The following ALS2 variants were observed in gnomAD, a reference collection of about 807,000 sequenced individuals.
ALS2 encodes the protein alsin Rho guanine nucleotide exchange factor ALS2, also known as alsin.
In ALS2, 117 loss-of-function variants were observed where a neutral mutation model predicts 203.4. The ratio of observed to expected loss-of-function variants is 0.58; its 90% CI spans 0.50 to 0.67. The LOEUF is 0.67. Among genes scored for constraint, ALS2 ranks in the 30% least tolerant of loss-of-function variants. ALS2 has a pLI of 0.00. For missense variants in ALS2, 1,715 were observed against 1,989.4 expected (o/e 0.86, Z 2.62); for synonymous variants, 718 against 725.9 (o/e 0.99, Z 0.17).
chr2:201,756,866 T>C (rs1693432581), intron 5 of ALS2, among the ~76,000 whole-genome samples: 1 of 151,758 alleles, frequency 6.6e-6, no homozygotes, highest in African/African-American at 2.4e-5. Context: ...CAGATGCTGC[T>C]GATGCTGCTG....
Position 201,700,767 on chromosome 2 carries a change from T to C in ALS2, c.*1084A>G, listed in dbSNP as rs1253117238. The C allele has an allele frequency of 6.6e-6, 1 of 152,654 alleles. No individual in the cohort carries two copies. The highest frequency in any genetic ancestry group is 2.4e-5 in the African/African-American group (1 of 41,452). The allele number at this position is 152,654 out of a possible 1,614,324, so 9.5% of individuals were successfully genotyped here. A position where few individuals can be genotyped will look rare whatever the true frequency, so the allele number is the denominator to read the frequency against. On this transcript the variant is annotated 3_prime_UTR_variant, in exon 34 of 34. Transcript: ENST00000264276. Reference sequence around the variant, plus strand: ...GAGATGAGATGAGGAAGAGCACCTATGTTATTCAAAACAGCTACTAGTGTT... The same window carrying C: ...GAGATGAGATGAGGAAGAGCACCTACGTTATTCAAAACAGCTACTAGTGTT...
At chr2:201,717,115 T>C (rs887277319) in intron 24 of ALS2, among the ~76,000 whole-genome samples, 24 of 152,120 alleles carry the variant, frequency 1.6e-4, no homozygotes, top group African/African-American at 5.6e-4. Flanking sequence ...GGGGTGTGTG[T>C]GTGTGTGTAT....
At position 201,757,741 on chromosome 2, in the gene ALS2, T is replaced by A. The variant is rs766304722; in HGVS notation, c.1132A>T (p.Ile378Phe). 1.2e-6 allele frequency: 2 copies of A among 1,610,844 alleles called. No individual in the cohort carries two copies. The highest frequency in any genetic ancestry group is 1.1e-5 in the South Asian group (1 of 91,070). Residue 378 changes from isoleucine to phenylalanine, a missense_variant, in exon 5 of 34, where the codon ATT becomes TTT. Ile to Phe is a conservative substitution (Grantham distance 21). Transcript: ENST00000264276. The part of the protein sequence containing the change: ...VPSQPLLEEA[I>F]PNLHSPPTTS... ...GTAGGCGGGCTGTGGAGATTAGGAA[T>A]TGCTTCTTCTAAAAGAGGCTAAAAT...
chr2:201,767,316 T>C lies in ALS2; in HGVS notation c.88A>G (p.Ile30Val), dbSNP rs199947290. ...VHIWQAGSFP[I>V]TPERLPGWGG... ...CAGCCTGGCAATCTCTCTGGTGTTA[T>C]GGGAAAGGATCCTGCCTGCCAGATA... The change falls in exon 3 of 34, where the codon ATA becomes GTA. Residue 30 changes from isoleucine to valine, a missense_variant. Physicochemically the swap from Ile to Val is conservative, Grantham distance 29. Around this residue, in one of 3 missense-constraint regions of ALS2, gnomAD observed 476 missense variants for 539.3 expected, o/e 0.88. Transcript: ENST00000264276. 43 of 1,614,050 alleles carry C rather than the reference T, an allele frequency of 2.7e-5. No homozygotes were observed. The highest frequency in any genetic ancestry group is 1.6e-4 in the African/African-American group (12 of 74,918).
intron 12 of ALS2, 42 bp downstream of exon 12, chr2:201,738,628 T>C: frequency 6.3e-7 from 1 of 1,578,232 alleles, no homozygotes; most frequent in Non-Finnish European, 8.7e-7. Flanking sequence ...AATGTCATCT[T>C]TGGCGGAGAG....
In ALS2 at chr2:201,744,323, T is replaced by C. The variant is rs1258834798; in HGVS notation, c.2105A>G (p.Glu702Gly). Residue 702 changes from glutamate (E) to glycine (G), a missense_variant, in exon 10 of 34, where the codon GAA becomes GGA. Physicochemically the swap from Glu to Gly is moderately conservative, Grantham distance 98. Around this residue, in one of 3 missense-constraint regions of ALS2, gnomAD observed 1,227 missense variants for 1,413.5 expected, o/e 0.87. Transcript: ENST00000264276. ...IASLHELATTERRFYSKLSDI... is the reference protein window; with the variant it reads ...IASLHELATTGRRFYSKLSDI... The stretch of plus-strand genomic sequence containing the variant: ...ACTTAGTTTTGAATAGAATCGTCTT[T>C]CTGTAGTAGCTAACTCGTGGAGACT... 1.2e-6 allele frequency: 2 copies of C among 1,614,056 alleles called. No homozygotes were observed. Among genetic ancestry groups the C allele is most frequent in the African/African-American group, 2.7e-5 (2 of 74,936 alleles).
chr2:201,717,979 G>T (rs1690519187), intron 24 of ALS2, 98 bp downstream of exon 24: 5 of 1,242,246 alleles, frequency 4.0e-6, no homozygotes, highest in Admixed American at 2.2e-5. Flanking sequence ...AAGACTTTAA[G>T]AACTTGACTT....
At chr2:201,709,607 C>T (rs1689915889) in intron 27 of ALS2, among the ~76,000 whole-genome samples, 2 of 152,208 alleles carry the variant, frequency 1.3e-5, no homozygotes, top group East Asian at 1.9e-4. Flanking sequence ...CTAAATAAGA[C>T]GACTACTATA....
intron 1 of ALS2, among the ~76,000 whole-genome samples, chr2:201,774,478 C>T (rs1159171914): frequency 6.6e-6 from 1 of 152,108 alleles, no homozygotes; most frequent in Non-Finnish European, 1.5e-5. Flanking sequence ...TTATCCCACC[C>T]TGCTATACAT....
rs1213378206 is a variant in ALS2 at position 201,727,766 on chromosome 2, G to A, written c.2851C>T (p.His951Tyr). 1.3e-6 allele frequency: 2 copies of A among 1,551,706 alleles called. No homozygotes were observed. The highest frequency in any genetic ancestry group is 2.4e-5 in the East Asian group (1 of 40,918). ...AGCGTGGCCAGAGGGAAAACATGGT[G>A]CGTGGAGAACTGAAACAGAGAACAC... ...DALVHAQFST[H>Y]HVFPLATLWA... is the part of the protein sequence containing the mutation. Residue 951 changes from histidine to tyrosine, a missense_variant, in exon 16 of 34, where the codon CAC becomes TAC. His to Tyr is a moderately conservative substitution (Grantham distance 83). This residue lies in a region of ALS2 where 1,227 missense variants were observed against 1,413.5 expected (regional missense o/e 0.87). Coordinates refer to ENST00000264276, the MANE Select transcript of ALS2 (RefSeq NM_020919.4).
Position 201,701,099 on chromosome 2 carries a change from C to A in ALS2, c.*752G>T, listed in dbSNP as rs1363757216. The A allele has an allele frequency of 6.6e-6, 1 of 152,622 alleles. No individual in the cohort carries two copies. Among genetic ancestry groups the A allele is most frequent in the Admixed American group, 6.5e-5 (1 of 15,280 alleles). 9.5% of individuals were successfully genotyped at this position (152,622 alleles called of 1,614,324 possible). On this transcript the variant is annotated 3_prime_UTR_variant, in exon 34 of 34. Coordinates refer to ENST00000264276, the MANE Select transcript of ALS2 (RefSeq NM_020919.4). ...GCACATGGACAAATGAGGTTCCTAG[C>A]AGCTCAGAGTCGGTGTCTGAATTCC...
chr2:201,768,263 G>A (rs528480079), intron 2 of ALS2, among the ~76,000 whole-genome samples: 35 of 152,194 alleles, frequency 2.3e-4, no homozygotes, highest in South Asian at 6.2e-4. Flanking sequence ...TGATGATTTC[G>A]GTTTAAAGAA....
intron 22 of ALS2, 91 bp downstream of exon 22, chr2:201,723,239 A>G: frequency 7.2e-7 from 1 of 1,389,490 alleles, no homozygotes; most frequent in Non-Finnish European, 1.0e-6. Flanking sequence ...AGTACTAAGA[A>G]GGTGGAAACT....
intron 25 of ALS2, among the ~76,000 whole-genome samples, 198 bp from the exon 26 acceptor site, chr2:201,711,306 T>C (rs1421363823): frequency 6.6e-6 from 1 of 152,208 alleles, no homozygotes; most frequent in African/African-American, 2.4e-5. Flanking sequence ...AAAAATCAGG[T>C]AGTGTTACTT....
At chr2:201,765,596 T>C (rs1209782625) in intron 3 of ALS2, 1 of 167,062 alleles carries the variant, frequency 6.0e-6, no homozygotes, top group Admixed American at 6.5e-5. Flanking sequence ...TTTGTCTTCC[T>C]TTAGTTCCTA....
chr2:201,731,614 TA>T (rs1001741401), intron 13 of ALS2, among the ~76,000 whole-genome samples: 7 of 152,226 alleles, frequency 4.6e-5, no homozygotes, highest in African/African-American at 7.2e-5. Flanking sequence ...TGGAGACATT[TA>T]AAAAAATACA....
chr2:201,709,821 C>G (rs1262350877), intron 27 of ALS2, 60 bp downstream of exon 27: 1 of 1,604,284 alleles, frequency 6.2e-7, no homozygotes, highest in Non-Finnish European at 8.5e-7. Context: ...TGAAACTACC[C>G]AAGCACTGGT....
chr2:201,753,748 T>C (rs1307739196), intron 6 of ALS2, among the ~76,000 whole-genome samples: 1 of 152,192 alleles, frequency 6.6e-6, no homozygotes, highest in Non-Finnish European at 1.5e-5. Flanking sequence ...AGTCTGATGT[T>C]TGAATTATAG....
intron 1 of ALS2, among the ~76,000 whole-genome samples, chr2:201,776,676 A>G (rs753238682): frequency 1.3e-4 from 20 of 152,160 alleles, no homozygotes; most frequent in Non-Finnish European, 2.2e-4. Flanking sequence ...TTCAAAGGCA[A>G]TATTAGATTT....
Sources: gnomAD v4.1 joint callset for allele counts (sites outside exome capture counted in the v4.1 genomes callset) on GRCh38, gnomAD v4.1.1 for gene constraint, gnomAD v4.1.1 regional missense constraint, MANE v1.5 for transcripts, NCBI Gene and HGNC (gene_info 2026-07-23, HGNC 2026-07-21) for gene names.